Variants in BPI observed in about 807,000 individuals in gnomAD.
The protein encoded by BPI is bactericidal permeability-increasing protein.
In BPI, 48 loss-of-function variants were observed where a neutral mutation model predicts 57.6. That is an observed-to-expected ratio of 0.83 (90% CI 0.66 to 1.06). BPI has a LOEUF of 1.06. Ranked by LOEUF, BPI falls within the 50% of genes least tolerant of loss-of-function variation. BPI has a pLI of 0.00. For missense variants in BPI, 651 were observed against 609.7 expected, an observed-to-expected ratio of 1.07 and a Z score of -0.71; for synonymous variants, 237 against 238.2, an observed-to-expected ratio of 0.99 and a Z score of 0.05.
intron 5 of BPI, chr20:38,317,601 AG>A (rs1354293513): frequency 8.4e-6 from 6 of 713,444 alleles, no homozygotes; most frequent in Admixed American, 2.0e-5. Context: ...AGTTACACAA[AG>A]GTCAGGTGTA....
chr20:38,335,893 T>A (rs2076765361), intron 14 of BPI, among the ~76,000 whole-genome samples: 1 of 152,154 alleles, frequency 6.6e-6, no homozygotes, highest in Non-Finnish European at 1.5e-5. Context: ...GGCTCCCGGC[T>A]TTGAACCATC....
At chr20:38,315,369 G>A (rs2076647210) in intron 5 of BPI, among the ~76,000 whole-genome samples, 1 of 152,204 alleles carries the variant, frequency 6.6e-6, no homozygotes, top group Non-Finnish European at 1.5e-5. Flanking sequence ...AGTGAGCCAG[G>A]GAGTCTGCCC....
In BPI at chr20:38,320,256, C is replaced by G; in HGVS notation, c.738C>G (p.Thr246=). Residue 246 remains threonine, a synonymous_variant, in exon 7 of 15, where the codon ACC becomes ACG. Coordinates refer to ENST00000642449, the MANE Select transcript of BPI (RefSeq NM_001725.3). Reference sequence around the variant, plus strand: ...CACCTCCAGCAACCACGGCTGAGACCCTGGATGTACAGATGAAGGTGAGGC... The same window carrying G: ...CACCTCCAGCAACCACGGCTGAGACGCTGGATGTACAGATGAAGGTGAGGC... ...LVAPPATTAE[T]LDVQMKGEFY... is the part of the protein sequence containing the mutation. 1 of 1,613,946 alleles carries G rather than the reference C, an allele frequency of 6.2e-7. No homozygotes were observed. The highest frequency in any genetic ancestry group is 8.5e-7 in the Non-Finnish European group (1 of 1,179,932).
chr20:38,334,323 C>G (rs951701009), intron 12 of BPI, 107 bp from the exon 13 acceptor site: 4 of 1,095,622 alleles, frequency 3.7e-6, no homozygotes, highest in Non-Finnish European at 5.6e-6. Flanking sequence ...GGTTGCTGAG[C>G]AGCGCTAGGG....
chr20:38,324,819 A>G lies in BPI; in HGVS notation c.979A>G (p.Thr327Ala). 6.2e-7 allele frequency: 1 copy of G among 1,612,670 alleles called. No individual in the cohort carries two copies. Among genetic ancestry groups the G allele is most frequent in the Non-Finnish European group, 8.5e-7 (1 of 1,178,750 alleles). The change falls in exon 9 of 15, where the codon ACC (threonine) becomes GCC (alanine). Residue 327 changes from threonine (T) to alanine (A), a missense_variant. Thr to Ala is a moderately conservative substitution (Grantham distance 58, BLOSUM62 0). Transcript: ENST00000642449. ...TCGACTGACAACCAAGTTCTTTGGAACCTTCCTACCTGAGGTATGGAAGAC... is the reference window on the plus strand; with the variant it reads ...TCGACTGACAACCAAGTTCTTTGGAGCCTTCCTACCTGAGGTATGGAAGAC... ...KFRLTTKFFG[T>A]FLPEVAKKFP...
chr20:38,337,458 T>G lies in BPI; in HGVS notation c.*274T>G, dbSNP rs774772477. The G allele has an allele frequency of 5.0e-5, 18 of 357,252 alleles. No individual in the cohort carries two copies. The highest frequency in any genetic ancestry group is 6.4e-5 in the Non-Finnish European group (13 of 201,610). The allele number at this position is 357,252 out of a possible 1,614,324, so 22.1% of individuals were successfully genotyped here. A position where few individuals can be genotyped will look rare whatever the true frequency, so the allele number is the denominator to read the frequency against. On this transcript the variant is annotated 3_prime_UTR_variant, in exon 15 of 15. Coordinates refer to ENST00000642449, the MANE Select transcript of BPI (RefSeq NM_001725.3). ...CGTGTTTCAATTGTAACCAAGAAAT[T>G]TCCATTTGTGCTTCATGAAAAAAAA... is the stretch of plus-strand genomic sequence containing the variant.
intron 7 of BPI, among the ~76,000 whole-genome samples, chr20:38,320,955 T>C (rs1233024037): frequency 1.7e-5 from 1 of 59,080 alleles, no homozygotes; most frequent in Non-Finnish European, 3.3e-5. Flanking sequence ...GGGAGGTGGG[T>C]GTGTTGGTGG....
chr20:38,320,665 C>CACAT (rs1206956184), intron 7 of BPI, among the ~76,000 whole-genome samples: 1 of 148,830 alleles, frequency 6.7e-6, no homozygotes, highest in African/African-American at 2.5e-5. Flanking sequence ...TACCAATACA[C>CACAT]ACACACACAC....
At chr20:38,328,570 A>G (rs1205645801) in intron 11 of BPI, among the ~76,000 whole-genome samples, 1 of 151,900 alleles carries the variant, frequency 6.6e-6, no homozygotes. Flanking sequence ...AAATAAGCCC[A>G]GTAATTACTT....
Position 38,337,219 on chromosome 20 carries a change from C to T in BPI, c.*35C>T. 2 of 1,558,670 alleles carry T rather than the reference C, an allele frequency of 1.3e-6. No homozygotes were observed. The highest frequency in any genetic ancestry group is 1.7e-6 in the Non-Finnish European group (2 of 1,151,518). ...GGGTGCCGGGGGCTGTCAGCCACAC[C>T]TGTTCCTGATGGGCTGTGGGGCACC... On this transcript the variant is annotated 3_prime_UTR_variant, in exon 15 of 15. Coordinates refer to ENST00000642449, the MANE Select transcript of BPI (RefSeq NM_001725.3).
chr20:38,329,762 G>C (rs2076733204), intron 11 of BPI, among the ~76,000 whole-genome samples: 1 of 152,072 alleles, frequency 6.6e-6, no homozygotes, highest in Non-Finnish European at 1.5e-5. Flanking sequence ...ACCCAGGCTG[G>C]TGTGCAGTGG....
At chr20:38,305,689 C>T (rs1325515158) in intron 1 of BPI, among the ~76,000 whole-genome samples, 6 of 152,270 alleles carry the variant, frequency 3.9e-5, no homozygotes, top group South Asian at 2.1e-4. Flanking sequence ...GCCCCTTGTC[C>T]GCTGTGTGGC....
At chr20:38,325,703 T>C (rs1020022231) in intron 9 of BPI, among the ~76,000 whole-genome samples, 2 of 152,128 alleles carry the variant, frequency 1.3e-5, no homozygotes, top group African/African-American at 4.8e-5. Flanking sequence ...CCCCAGAAAT[T>C]TCTATACAGA....
chr20:38,315,835 C>T (rs1159366555), intron 5 of BPI, among the ~76,000 whole-genome samples: 4 of 132,240 alleles, frequency 3.0e-5, no homozygotes, highest in African/African-American at 5.6e-5. Context: ...CTTTTCTTTT[C>T]TTTTTTTTTT....
At chr20:38,324,881 G>A in intron 9 of BPI, 48 bp downstream of exon 9, 1 of 1,489,582 alleles carries the variant, frequency 6.7e-7, no homozygotes, top group Non-Finnish European at 9.4e-7. Flanking sequence ...GGTTCTGGGA[G>A]GACAGGGCTT....
At chr20:38,335,542 CT>C in intron 13 of BPI, 55 bp from the exon 14 acceptor site, 1 of 1,529,172 alleles carries the variant, frequency 6.5e-7, no homozygotes, top group South Asian at 1.1e-5. Flanking sequence ...GCCCTCCCTC[CT>C]CCCCTGCCCT....
chr20:38,334,987 A>T (rs1374411342), intron 13 of BPI, among the ~76,000 whole-genome samples: 1 of 152,160 alleles, frequency 6.6e-6, no homozygotes, highest in African/African-American at 2.4e-5. Flanking sequence ...AGTGAGGGGC[A>T]AAAGTACTAA....
intron 13 of BPI, 104 bp downstream of exon 13, chr20:38,334,597 C>T: frequency 8.7e-7 from 1 of 1,155,108 alleles, no homozygotes; most frequent in Non-Finnish European, 1.3e-6. Context: ...GAGGGCTGGG[C>T]AGTGGTGATG....
Position 38,304,198 on chromosome 20 carries a change from G to C in BPI, c.-26G>C, listed in dbSNP as rs750873833. Reference sequence around the variant, plus strand: ...TTCAACCTCAAGGCCTTGAGGTTTTGGCAGCTCTGGAGGATGAGAGAGAAC... The same window carrying C: ...TTCAACCTCAAGGCCTTGAGGTTTTCGCAGCTCTGGAGGATGAGAGAGAAC... On this transcript the variant is annotated 5_prime_UTR_variant, in exon 1 of 15. Transcript: ENST00000642449. 2.4e-5 allele frequency: 39 copies of C among 1,613,886 alleles called. No individual in the cohort carries two copies. The highest frequency in any genetic ancestry group is 3.3e-5 in the Non-Finnish European group (39 of 1,179,928).
Sources: gnomAD v4.1 joint callset for allele counts (sites outside exome capture counted in the v4.1 genomes callset) on GRCh38, gnomAD v4.1.1 for gene constraint, MANE v1.5 for transcripts, NCBI Gene and HGNC (gene_info 2026-07-23, HGNC 2026-07-21) for gene names.